SGCE: variants seen among roughly 807,000 people sequenced by gnomAD.
SGCE encodes the protein epsilon-sarcoglycan.
SGCE carries 26 observed loss-of-function variants against 57.8 expected under a neutral mutation model. The ratio of observed to expected loss-of-function variants is 0.45; its 90% CI spans 0.33 to 0.62. SGCE has a LOEUF of 0.62. Among genes scored for constraint, SGCE ranks in the 20% least tolerant of loss-of-function variants. The pLI is 0.02. For missense variants in SGCE, 468 were observed against 548.6 expected, an observed-to-expected ratio of 0.85 and a Z score of 1.47; for synonymous variants, 183 against 189.5, an observed-to-expected ratio of 0.97 and a Z score of 0.28.
chr7:94,586,800 C>A, intron 10 of SGCE: 1 of 983,838 alleles, frequency 1.0e-6, no homozygotes, highest in Non-Finnish European at 1.2e-6. Flanking sequence ...CCGCACCCAG[C>A]CTCCATTTAG....
chr7:94,608,666 C>T (rs1800534460), intron 5 of SGCE, among the ~76,000 whole-genome samples: 1 of 152,118 alleles, frequency 6.6e-6, no homozygotes, highest in Non-Finnish European at 1.5e-5. Context: ...TACCCAACAT[C>T]AAGATTTACT....
chr7:94,646,433 T>C (rs2117074497), intron 1 of SGCE, among the ~76,000 whole-genome samples: 1 of 152,310 alleles, frequency 6.6e-6, no homozygotes, highest in African/African-American at 2.4e-5. Context: ...AGAAGATAAG[T>C]CTGGGTTTCC....
chr7:94,630,968 G>A (rs1434249185), intron 1 of SGCE, among the ~76,000 whole-genome samples: 2 of 151,956 alleles, frequency 1.3e-5, no homozygotes, highest in African/African-American at 4.8e-5. Context: ...TGTCCCTGCA[G>A]TTCGGTGGAT....
At chr7:94,587,513 T>C (rs1797066653) in intron 10 of SGCE, 2 of 1,298,290 alleles carry the variant, frequency 1.5e-6, no homozygotes, top group South Asian at 2.7e-5. Context: ...TTTAGAAATT[T>C]TCCTTTTAAA....
At chr7:94,654,504 G>A (rs1489136226) in intron 1 of SGCE, among the ~76,000 whole-genome samples, 1 of 152,088 alleles carries the variant, frequency 6.6e-6, no homozygotes, top group Non-Finnish European at 1.5e-5. Flanking sequence ...TGCAGAAGAG[G>A]GTGAACATCC....
At chr7:94,650,846 T>A (rs1807777463) in intron 1 of SGCE, among the ~76,000 whole-genome samples, 1 of 152,232 alleles carries the variant, frequency 6.6e-6, no homozygotes, top group Non-Finnish European at 1.5e-5. Flanking sequence ...TCATGTTGAC[T>A]GTTTAGTCTT....
chr7:94,593,749 G>T (rs984769628), intron 9 of SGCE, among the ~76,000 whole-genome samples: 13 of 151,942 alleles, frequency 8.6e-5, no homozygotes, highest in African/African-American at 3.1e-4. Context: ...CAATGTGCAT[G>T]GACTGCTATT....
intron 3 of SGCE, chr7:94,623,862 C>CA (rs1203935919): frequency 8.5e-6 from 3 of 354,740 alleles, no homozygotes; most frequent in African/African-American, 4.2e-5. Flanking sequence ...CCCAATCAGT[C>CA]AAAAAATGTC....
At chr7:94,595,155 T>C (rs922429449) in intron 9 of SGCE, among the ~76,000 whole-genome samples, 5 of 152,174 alleles carry the variant, frequency 3.3e-5, no homozygotes, top group African/African-American at 1.2e-4. Flanking sequence ...TCTTACTGAC[T>C]AATTTATGGT....
rs775468466 is a variant in SGCE at position 94,600,827 on chromosome 7, G to C, written c.856C>G (p.Gln286Glu). 9.9e-6 allele frequency: 16 copies of C among 1,612,144 alleles called. No homozygotes were observed. The highest frequency in any genetic ancestry group is 1.3e-5 in the Non-Finnish European group (15 of 1,179,352). ...ATCCCCTCTCCACGAATCACTTCCT[G>C]ATAGGTGGACACTTGCTTTGTTTTA... ...VDKTKQVSTY[Q>E]EVIRGEGILP... Residue 286 changes from glutamine (Q) to glutamate (E), a missense_variant, in exon 7 of 11, where the codon CAG becomes GAG. Gln to Glu is a conservative substitution (Grantham distance 29). Transcript: ENST00000648936.
chr7:94,652,077 A>ATCTG (rs531869279), intron 1 of SGCE, among the ~76,000 whole-genome samples: 281 of 152,120 alleles, frequency 1.8e-3, no homozygotes, highest in Middle Eastern at 3.4e-3. Flanking sequence ...TGCTCCTCAC[A>ATCTG]TCTGTCTGTC....
chr7:94,588,964 TA>T, intron 9 of SGCE: 1 of 538,122 alleles, frequency 1.9e-6, no homozygotes, highest in Non-Finnish European at 3.3e-6. Flanking sequence ...GGCTATACTC[TA>T]AAGTACCTCA....
At chr7:94,588,095 G>T (rs1797148491) in intron 10 of SGCE, 2 of 1,203,936 alleles carry the variant, frequency 1.7e-6, no homozygotes, top group Non-Finnish European at 2.1e-6. Flanking sequence ...GTATAGAGAT[G>T]AATGAAATAA....
intron 5 of SGCE, among the ~76,000 whole-genome samples, chr7:94,614,577 T>A (rs769461564): frequency 6.6e-6 from 1 of 152,174 alleles, no homozygotes; most frequent in Non-Finnish European, 1.5e-5. Context: ...CCCTTTCCCC[T>A]GCATAGCGTT....
At chr7:94,596,817 G>T (rs955912916) in intron 9 of SGCE, among the ~76,000 whole-genome samples, 1 of 151,958 alleles carries the variant, frequency 6.6e-6, no homozygotes, top group Non-Finnish European at 1.5e-5. Context: ...TTTTCCAAGT[G>T]TATTTGATCA....
intron 6 of SGCE, among the ~76,000 whole-genome samples, chr7:94,601,454 A>AC (rs1246069690): frequency 1.1e-3 from 75 of 66,386 alleles, no homozygotes; most frequent in Admixed American, 0.01. Context: ...AAAAAAAAAA[A>AC]AAAAAAAAAA....
chr7:94,599,428 TC>T (rs1296125753), intron 8 of SGCE: 1 of 439,574 alleles, frequency 2.3e-6, no homozygotes, highest in East Asian at 3.8e-5. Context: ...AGATTGGAAA[TC>T]ACATAATATA....
At chr7:94,645,562 T>A (rs887945751) in intron 1 of SGCE, among the ~76,000 whole-genome samples, 8 of 152,170 alleles carry the variant, frequency 5.3e-5, no homozygotes, top group Non-Finnish European at 1.2e-4. Context: ...AAAAATTAGA[T>A]ATAAGAGACT....
At chr7:94,646,375 G>T (rs1383175143) in intron 1 of SGCE, among the ~76,000 whole-genome samples, 1 of 152,168 alleles carries the variant, frequency 6.6e-6, no homozygotes, top group Admixed American at 6.5e-5. Context: ...AGAAGAGAAG[G>T]TTACTCACTT....
Sources: allele counts gnomAD v4.1 joint callset (sites outside exome capture counted in the v4.1 genomes callset), GRCh38; gene constraint gnomAD v4.1.1; transcripts MANE v1.5; gene names NCBI Gene and HGNC (gene_info 2026-07-23, HGNC 2026-07-21).